The following TTLL13 variants were observed in gnomAD, a reference collection of about 807,000 sequenced individuals.
TTLL13 encodes the protein tubulin tyrosine ligase like 13, also known as tubulin polyglutamylase TTLL13.
chr15:90,260,094 T>C, the TTLL13 span, among the ~76,000 whole-genome samples: 1 of 152,230 alleles, frequency 6.6e-6, no homozygotes, highest in Non-Finnish European at 1.5e-5. Flanking sequence ...GACTGGACTG[T>C]GTACCTGAGG....
At chr15:90,257,535 C>T in the TTLL13 span, 185 of 1,132,568 alleles carry the variant, frequency 1.6e-4, no homozygotes, top group East Asian at 3.9e-3. Context: ...AGACAGGAGA[C>T]GAGAGATCCT....
the TTLL13 span, chr15:90,262,526 C>T: frequency 1.3e-6 from 2 of 1,523,330 alleles, no homozygotes; most frequent in South Asian, 1.2e-5. Flanking sequence ...TAAGCAGGAA[C>T]AGCAGGAGAC....
chr15:90,254,508 A>G, the TTLL13 span, among the ~76,000 whole-genome samples: 8 of 150,242 alleles, frequency 5.3e-5, no homozygotes, highest in East Asian at 1.4e-3. Flanking sequence ...AAAAAAAAAA[A>G]AAGGACGCTC....
At chr15:90,252,069 T>C in the TTLL13 span, among the ~76,000 whole-genome samples, 1 of 129,920 alleles carries the variant, frequency 7.7e-6, no homozygotes, top group African/African-American at 2.7e-5. Context: ...GACCGAGTTT[T>C]GCTCTTGTTG....
At chr15:90,256,389 G>A in the TTLL13 span, 1 of 1,522,736 alleles carries the variant, frequency 6.6e-7, no homozygotes, top group Non-Finnish European at 9.0e-7. Context: ...GCTGGTCTTA[G>A]GCTTCTACCC....
the TTLL13 span, among the ~76,000 whole-genome samples, chr15:90,260,875 A>G: frequency 6.6e-6 from 1 of 151,268 alleles, no homozygotes; most frequent in African/African-American, 2.4e-5. Flanking sequence ...AAAAGAGAGA[A>G]AGAAAGGAAG....
chr15:90,253,204 T>C, the TTLL13 span: 3 of 1,529,654 alleles, frequency 2.0e-6, no homozygotes, highest in Non-Finnish European at 2.7e-6. Flanking sequence ...CCAGGGCTTG[T>C]TGCTGGTGTC....
At chr15:90,264,854 T>C in the TTLL13 span, 3 of 1,536,054 alleles carry the variant, frequency 2.0e-6, no homozygotes, top group Non-Finnish European at 1.7e-6. Context: ...TGAATGCACC[T>C]TGCCCTCCAT....
At chr15:90,250,547 C>T in the TTLL13 span, 3 of 1,509,834 alleles carry the variant, frequency 2.0e-6, no homozygotes, top group South Asian at 2.6e-5. Context: ...TGGTGGATTC[C>T]TTCAGGCCTT....
chr15:90,263,078 T>G, the TTLL13 span: 1 of 1,536,070 alleles, frequency 6.5e-7, no homozygotes. Flanking sequence ...AGCCTGGGTA[T>G]TGTAGAGCAG....
the TTLL13 span, chr15:90,265,394 C>G: frequency 8.0e-7 from 1 of 1,251,672 alleles, no homozygotes; most frequent in Non-Finnish European, 1.0e-6. Context: ...GTGGCGGAGA[C>G]AGGCAGGCCT....
the TTLL13 span, among the ~76,000 whole-genome samples, chr15:90,256,589 C>CT: frequency 2.9e-5 from 1 of 34,870 alleles, no homozygotes; most frequent in Non-Finnish European, 5.6e-5. Flanking sequence ...TTCTTTCTTT[C>CT]TTTCTTTCTT....
At chr15:90,258,453 G>A in the TTLL13 span, 1 of 650,926 alleles carries the variant, frequency 1.5e-6, no homozygotes, top group Non-Finnish European at 2.6e-6. Context: ...TCAAATCTTG[G>A]TGGTTTTTGG....
the TTLL13 span, among the ~76,000 whole-genome samples, chr15:90,259,797 G>A: frequency 6.6e-6 from 1 of 152,176 alleles, no homozygotes; most frequent in Non-Finnish European, 1.5e-5. Context: ...GTTTACATCC[G>A]TGTTGGTCAC....
At chr15:90,262,364 C>A in the TTLL13 span, 1 of 1,173,738 alleles carries the variant, frequency 8.5e-7, no homozygotes, top group Non-Finnish European at 1.2e-6. Flanking sequence ...ATCTTCCCCT[C>A]TCATTGCTCT....
the TTLL13 span, chr15:90,265,132 A>G: frequency 1.6e-6 from 2 of 1,242,898 alleles, no homozygotes; most frequent in South Asian, 1.6e-5. Flanking sequence ...AGAATTCCTC[A>G]ATACCCTAAG....
At chr15:90,252,791 T>C in the TTLL13 span, among the ~76,000 whole-genome samples, 3 of 151,994 alleles carry the variant, frequency 2.0e-5, no homozygotes, top group African/African-American at 7.3e-5. Flanking sequence ...TCTCCTGAGG[T>C]CAGGAGTTCG....
the TTLL13 span, chr15:90,264,700 C>A: frequency 6.5e-7 from 1 of 1,534,114 alleles, no homozygotes; most frequent in African/African-American, 1.4e-5. Flanking sequence ...AACTCAGGGA[C>A]ATCCATGTTT....
At chr15:90,263,594 GTCT>G in the TTLL13 span, 1 of 577,076 alleles carries the variant, frequency 1.7e-6, no homozygotes, top group East Asian at 2.8e-5. Flanking sequence ...AACCTGTTGG[GTCT>G]TCTGTTTTTG....
Sources: allele counts gnomAD v4.1 joint callset (sites outside exome capture counted in the v4.1 genomes callset), GRCh38; gene constraint gnomAD v4.1.1; transcripts MANE v1.5; gene names NCBI Gene and HGNC (gene_info 2026-07-23, HGNC 2026-07-21).